Variants in GPHN observed in about 807,000 individuals in gnomAD.
GPHN encodes gephyrin.
In GPHN, 17 loss-of-function variants were observed where a neutral mutation model predicts 95.5. The ratio of observed to expected loss-of-function variants is 0.18; its 90% CI spans 0.12 to 0.27. GPHN has a LOEUF of 0.27. Ranked by LOEUF, GPHN falls within the 10% of genes least tolerant of loss-of-function variation. The pLI, the probability that GPHN is intolerant of heterozygous loss-of-function variation, is 1.00. For missense variants in GPHN, 660 were observed against 978.1 expected (o/e 0.67, Z 4.34); for synonymous variants, 320 against 322.5 (o/e 0.99, Z 0.08).
chr14:67,165,945 T>A (rs1792999042), intron 20 of GPHN, among the ~76,000 whole-genome samples: 1 of 152,228 alleles, frequency 6.6e-6, no homozygotes, highest in South Asian at 2.1e-4. Context: ...AATAATTTAT[T>A]GTGCATCTTT....
chr14:67,713,261 C>CA, the GPHN span, among the ~76,000 whole-genome samples: 1 of 146,942 alleles, frequency 6.8e-6, no homozygotes, highest in African/African-American at 2.5e-5. Flanking sequence ...AACAAACAAA[C>CA]AAACAAAAAA....
intron 10 of GPHN, among the ~76,000 whole-genome samples, chr14:67,026,211 TA>T (rs1260590547): frequency 6.6e-6 from 1 of 152,182 alleles, no homozygotes; most frequent in Non-Finnish European, 1.5e-5. Flanking sequence ...GCAGAAATTG[TA>T]AAGAATAAAA....
At chr14:67,515,609 G>A in the GPHN span, 1 of 152,432 alleles carries the variant, frequency 6.6e-6, no homozygotes, top group Non-Finnish European at 1.5e-5. Context: ...GGGCGCCTAG[G>A]AGCACGCCCC....
intron 2 of GPHN, among the ~76,000 whole-genome samples, chr14:66,697,524 C>A (rs2068181714): frequency 6.6e-6 from 1 of 152,060 alleles, no homozygotes; most frequent in Non-Finnish European, 1.5e-5. Flanking sequence ...ATTGGAGATA[C>A]TGGTGTAGTG....
chr14:67,691,476 C>T, the GPHN span: 57 of 439,186 alleles, frequency 1.3e-4, 1 homozygote, highest in African/African-American at 1.1e-3. Context: ...CTTCCAGATC[C>T]TTGTAGTTCA....
At chr14:67,626,324 AAGAT>A in the GPHN span, among the ~76,000 whole-genome samples, 16 of 152,162 alleles carry the variant, frequency 1.1e-4, no homozygotes, top group Non-Finnish European at 2.2e-4. Flanking sequence ...TATGATAAAA[AAGAT>A]AGACAATACC....
intron 11 of GPHN, among the ~76,000 whole-genome samples, chr14:67,075,841 G>A (rs1440824973): frequency 6.6e-6 from 1 of 152,136 alleles, no homozygotes; most frequent in Non-Finnish European, 1.5e-5. Flanking sequence ...ACTTCCTATG[G>A]ATGAGTAAAG....
intron 9 of GPHN, among the ~76,000 whole-genome samples, chr14:67,010,684 G>A (rs1027082561): frequency 5.9e-5 from 9 of 151,986 alleles, no homozygotes; most frequent in African/African-American, 1.9e-4. Context: ...AAAACATGTG[G>A]GATGTAAGAG....
At chr14:67,201,954 T>A in the GPHN span, among the ~76,000 whole-genome samples, 1 of 152,270 alleles carries the variant, frequency 6.6e-6, no homozygotes, top group Non-Finnish European at 1.5e-5. Flanking sequence ...TTTTTATACA[T>A]GCTGTTCCTC....
the GPHN span, among the ~76,000 whole-genome samples, chr14:67,342,212 A>AATT: frequency 1.0e-3 from 125 of 119,204 alleles, 2 homozygotes; most frequent in African/African-American, 2.2e-3. Flanking sequence ...AAATAAATAA[A>AATT]TAAAATAAAA....
At chr14:67,270,883 G>T in the GPHN span, 16 of 152,164 alleles carry the variant, frequency 1.1e-4, no homozygotes, top group Admixed American at 5.9e-4. Flanking sequence ...AAGATTTCTT[G>T]TAGAATTAGG....
chr14:66,692,934 G>C (rs2067872035), intron 2 of GPHN, among the ~76,000 whole-genome samples: 1 of 151,878 alleles, frequency 6.6e-6, no homozygotes, highest in Non-Finnish European at 1.5e-5. Flanking sequence ...TAGCTTCATT[G>C]CACTTTAAAA....
intron 8 of GPHN, among the ~76,000 whole-genome samples, chr14:66,929,011 A>T (rs2066634707): frequency 6.7e-6 from 1 of 150,038 alleles, no homozygotes; most frequent in Admixed American, 6.6e-5. Flanking sequence ...ATAAGTATCT[A>T]TTAGATCTAT....
Position 67,077,432 on chromosome 14 carries a change from G to A in GPHN, c.1145-11551G>A, listed in dbSNP as rs140362938. ...TTGCCACATGTTTTCAACTTAAAAT[G>A]CGTTTATCAGGATGTAACCTCATTG... is the stretch of plus-strand genomic sequence containing the variant. On this transcript the variant is annotated intron_variant, in intron 11 of 22. Coordinates refer to ENST00000478722, the MANE Select transcript of GPHN (RefSeq NM_020806.5). Among the ~76,000 whole-genome samples, 139 of 152,200 alleles carry A rather than the reference G, an allele frequency of 9.1e-4. No individual in the cohort carries two copies. In the Middle Eastern group the frequency reaches 0.01, roughly 11 times the overall value.
chr14:67,727,274 A>C, the GPHN span: 4 of 976,744 alleles, frequency 4.1e-6, no homozygotes, highest in Non-Finnish European at 6.3e-6. Context: ...CAGGCTGTCA[A>C]ACATGCACGT....
the GPHN span, chr14:67,572,394 G>A: frequency 2.7e-6 from 2 of 742,472 alleles, no homozygotes; most frequent in South Asian, 3.7e-5. Flanking sequence ...TAGAGCTGGG[G>A]GATGGGGGCA....
At chr14:67,265,984 T>G in the GPHN span, among the ~76,000 whole-genome samples, 4 of 152,278 alleles carry the variant, frequency 2.6e-5, no homozygotes, top group Admixed American at 2.0e-4. Context: ...GTATTATTTA[T>G]TTTTTGTAGA....
chr14:67,037,980 A>G (rs2074511948), intron 10 of GPHN, among the ~76,000 whole-genome samples: 1 of 152,014 alleles, frequency 6.6e-6, no homozygotes, highest in Non-Finnish European at 1.5e-5. Context: ...TGAAAATAGC[A>G]TCTCAAAAAA....
chr14:67,257,195 C>T, the GPHN span, among the ~76,000 whole-genome samples: 2 of 152,136 alleles, frequency 1.3e-5, no homozygotes, highest in Admixed American at 6.5e-5. Context: ...ACTGAATACA[C>T]GGTTTAGTCT....
Sources: allele counts gnomAD v4.1 joint callset (sites outside exome capture counted in the v4.1 genomes callset), GRCh38; gene constraint gnomAD v4.1.1; transcripts MANE v1.5; gene names NCBI Gene and HGNC (gene_info 2026-07-23, HGNC 2026-07-21).